The following CATSPER1 variants were observed in gnomAD, a reference collection of about 807,000 sequenced individuals.
CATSPER1 encodes cation channel sperm-associated protein 1.
In CATSPER1, 57 loss-of-function variants were observed where a neutral mutation model predicts 72.7. That is an observed-to-expected ratio of 0.78 (90% CI 0.63 to 0.98). The LOEUF (loss-of-function observed/expected upper bound fraction) is 0.98. Among genes scored for constraint, CATSPER1 ranks in the 50% least tolerant of loss-of-function variants. CATSPER1 has a pLI of 0.00. For synonymous variants in CATSPER1, 363 were observed against 403.0 expected (o/e 0.90, Z 1.19); for missense variants, 910 against 1,033.9 (o/e 0.88, Z 1.64).
rs369774821 is a variant in CATSPER1, at chr11:66,021,910, G to A, written c.1430-31C>T. On this transcript the variant is annotated intron_variant, in intron 2 of 11. Transcript: ENST00000312106. The stretch of plus-strand genomic sequence containing the variant: ...GGAACACAGGGGTGCACTCAGAGCT[G>A]TCCCCAGCACCCAGTGCCCTCTCTC... The A allele has an allele frequency of 6.9e-5, 106 of 1,528,140 alleles. No homozygotes were observed. The African/African-American group carries it at 1.4e-3, about 20-fold the overall frequency. 94.7% of individuals were successfully genotyped at this position (1,528,140 alleles called of 1,614,324 possible). A position where few individuals can be genotyped will look rare whatever the true frequency, so the allele number is the denominator to read the frequency against.
chr11:66,017,085 T>A lies in CATSPER1; in HGVS notation c.2291A>T (p.Asp764Val). 1 of 1,612,886 alleles carries A rather than the reference T, an allele frequency of 6.2e-7. No homozygotes were observed. The highest frequency in any genetic ancestry group is 8.5e-7 in the Non-Finnish European group (1 of 1,179,490). ...QKFRSQAAVI[D>V]EIVDTTFEAG... ...CTCAAATGTGGTGTCCACAATCTCATCGATGACGGCTGCCTGGGAGCGGAA... is the reference window on the plus strand; with the variant it reads ...CTCAAATGTGGTGTCCACAATCTCAACGATGACGGCTGCCTGGGAGCGGAA... The change falls in exon 11 of 12, where the codon GAT becomes GTT. Residue 764 changes from aspartate (D) to valine (V), a missense_variant. Asp to Val is a radical substitution (Grantham distance 152, BLOSUM62 -3). Transcript: ENST00000312106.
chr11:66,017,102 G>C lies in CATSPER1; in HGVS notation c.2274C>G (p.Ser758=), dbSNP rs200328285. The change falls in exon 11 of 12, where the codon TCC becomes TCG. Residue 758 remains serine, a synonymous_variant. Transcript: ENST00000312106. ...CAATCTCATCGATGACGGCTGCCTG[G>C]GAGCGGAACTTCTGCTGCTCCTGCT... The part of the protein sequence containing the change: ...SVEQEQQKFR[S]QAAVIDEIVD... 3.6e-4 allele frequency: 586 copies of C among 1,613,742 alleles called. 4 individuals are homozygous for C. The highest frequency in any genetic ancestry group is 2.3e-5 in the Non-Finnish European group (27 of 1,179,916).
In CATSPER1 at chr11:66,023,050, G is replaced by C; in HGVS notation, c.1228C>G (p.Gln410Glu). The change falls in exon 2 of 12, where the codon CAG (glutamine) becomes GAG (glutamate). Residue 410 changes from glutamine to glutamate, a missense_variant. Coordinates refer to ENST00000312106, the MANE Select transcript of CATSPER1 (RefSeq NM_053054.4). ...QFQKRKTGRL[Q>E]RTRKKGHSTN... ...GAGTGTCCCTTCTTGCGGGTCCGCT[G>C]GAGCCGGCCGGCTGAAAGGAACAGG... is the stretch of plus-strand genomic sequence containing the variant. 6.2e-7 allele frequency: 1 copy of C among 1,614,116 alleles called. No homozygotes were observed. Among genetic ancestry groups the C allele is most frequent in the Non-Finnish European group, 8.5e-7 (1 of 1,180,000 alleles).
In CATSPER1 at chr11:66,023,032, CCTT is replaced by C. The variant is rs773641525; in HGVS notation, c.1243_1245del (p.Lys415del). On this transcript the variant is annotated inframe_deletion, in exon 2 of 12. Coordinates refer to ENST00000312106, the MANE Select transcript of CATSPER1 (RefSeq NM_053054.4). ...CACTGGAAGAGATTGGTAGAGTGTC[CCTT>C]CTTGCGGGTCCGCTGGAGCCGGCCG... 9.9e-6 allele frequency: 16 copies of C among 1,613,986 alleles called. No homozygotes were observed. The Admixed American group carries it at 2.7e-4, about 27-fold the overall frequency.
At chr11:66,022,185 C>A (rs1856388997) in intron 2 of CATSPER1, among the ~76,000 whole-genome samples, 1 of 152,012 alleles carries the variant, frequency 6.6e-6, no homozygotes, top group African/African-American at 2.4e-5. Context: ...ACCAAAAATA[C>A]AAAAATTAGC....
intron 9 of CATSPER1, among the ~76,000 whole-genome samples, chr11:66,019,435 C>T (rs1052944052): frequency 1.3e-5 from 2 of 152,040 alleles, no homozygotes; most frequent in Admixed American, 6.5e-5. Context: ...CACCACCATG[C>T]CCAGCTAATT....
chr11:66,017,167 C>G lies in CATSPER1; in HGVS notation c.2209G>C (p.Glu737Gln). The G allele has an allele frequency of 9.9e-7, 1 of 1,012,956 alleles. No homozygotes were observed. Among genetic ancestry groups the G allele is most frequent in the Non-Finnish European group, 1.4e-6 (1 of 703,102 alleles). 62.7% of individuals were successfully genotyped at this position (1,012,956 alleles called of 1,614,324 possible). Residue 737 changes from glutamate (E) to glutamine (Q), a missense_variant, in exon 11 of 12, where the codon GAG (glutamate) becomes CAG (glutamine). Glu to Gln is a conservative substitution (Grantham distance 29, BLOSUM62 2). Coordinates refer to ENST00000312106, the MANE Select transcript of CATSPER1 (RefSeq NM_053054.4). The stretch of plus-strand genomic sequence containing the variant: ...AGCTGCAGGTAATGGAACAGGAGCT[C>G]CTGCTGCCTGCGGGTGGGCGGGGGG... ...KFGTMTEKQQELLFHYLQLVA... is the reference protein window; with the variant it reads ...KFGTMTEKQQQLLFHYLQLVA...
In CATSPER1 at chr11:66,017,194, T is replaced by TGGGGGGGGGGGGGGGGGGGGGGCCA; in HGVS notation, c.2202-21_2202-20insTGGCCCCCCCCCCCCCCCCCCCCCC. 2 of 550,268 alleles carry TGGGGGGGGGGGGGGGGGGGGGGCCA rather than the reference T, an allele frequency of 3.6e-6. No individual in the cohort carries two copies. The highest frequency in any genetic ancestry group is 3.4e-6 in the Non-Finnish European group (1 of 295,844). The allele number at this position is 550,268 out of a possible 1,614,324, so 34.1% of individuals were successfully genotyped here. On this transcript the variant is annotated intron_variant, in intron 10 of 11. Coordinates refer to ENST00000312106, the MANE Select transcript of CATSPER1 (RefSeq NM_053054.4). ...TGCTGCCTGCGGGTGGGCGGGGGGGTCGCAGAGACAGGGGCTGGGCTGACC... is the reference window on the plus strand; with the variant it reads ...TGCTGCCTGCGGGTGGGCGGGGGGGTGGGGGGGGGGGGGGGGGGGGGGCCACGCAGAGACAGGGGCTGGGCTGACC...
chr11:66,023,170 C>A, intron 1 of CATSPER1, 109 bp from the exon 2 acceptor site: 1 of 1,056,154 alleles, frequency 9.5e-7, no homozygotes, highest in Non-Finnish European at 1.4e-6. Context: ...TGCTTGCTGG[C>A]CCTCTGCCTC....
chr11:66,025,556 C>T lies in CATSPER1; in HGVS notation c.824G>A (p.Ser275Asn), dbSNP rs771342326. 5 of 1,602,486 alleles carry T rather than the reference C, an allele frequency of 3.1e-6. No homozygotes were observed. Among genetic ancestry groups the T allele is most frequent in the Middle Eastern group, 1.7e-4 (1 of 6,050 alleles). Residue 275 changes from serine (S) to asparagine (N), a missense_variant, in exon 1 of 12, where the codon AGT (serine) becomes AAT (asparagine). Coordinates refer to ENST00000312106, the MANE Select transcript of CATSPER1 (RefSeq NM_053054.4). ...SEYHQGDHHP[S>N]EYHHGDHPHH... is the part of the protein sequence containing the mutation. ...GGGATGGTCGCCATGGTGGTACTCA[C>T]TGGGGTGGTGATCACCTTGGTGGTA...
intron 11 of CATSPER1, 37 bp downstream of exon 11, chr11:66,017,023 C>A: frequency 6.2e-7 from 1 of 1,612,424 alleles, no homozygotes; most frequent in Non-Finnish European, 8.5e-7. Context: ...CCCTGGGGTT[C>A]CCCTCGCCGG....
rs777825038 is a variant in CATSPER1 at position 66,020,101 on chromosome 11, C to T, written c.2125+39G>A. On this transcript the variant is annotated intron_variant, in intron 9 of 11. Coordinates refer to ENST00000312106, the MANE Select transcript of CATSPER1 (RefSeq NM_053054.4). This position sits in a 1 kb window ranked among gnomAD's most constrained non-coding sequence, Gnocchi z 4.5. ...GGGATGGAGAGACTGGCCCCCACTG[C>T]GGACGGGCAGGTGGGGCCAGGGCGG... The T allele has an allele frequency of 9.4e-6, 15 of 1,604,190 alleles. No homozygotes were observed. Among genetic ancestry groups the T allele is most frequent in the Middle Eastern group, 1.7e-4 (1 of 5,890 alleles).
At chr11:66,021,960 C>A in intron 2 of CATSPER1, 81 bp from the exon 3 acceptor site, 1 of 1,049,198 alleles carries the variant, frequency 9.5e-7, no homozygotes, top group Non-Finnish European at 1.5e-6. Context: ...CTCACACAAG[C>A]CCAGATTCCC....
rs1318739460 is a variant in CATSPER1, at chr11:66,026,420, T to C, written c.-41A>G. The C allele has an allele frequency of 6.2e-7, 1 of 1,607,392 alleles. No individual in the cohort carries two copies. The highest frequency in any genetic ancestry group is 8.5e-7 in the Non-Finnish European group (1 of 1,179,822). ...TCTGGAGCCAAAAGAGCTCAAGACC[T>C]GGGCCCAACAGGCCCCGCCTGGATT... On this transcript the variant is annotated 5_prime_UTR_variant, in exon 1 of 12. Coordinates refer to ENST00000312106, the MANE Select transcript of CATSPER1 (RefSeq NM_053054.4).
At chr11:66,021,714 C>A in intron 3 of CATSPER1, 52 bp downstream of exon 3, 1 of 1,613,154 alleles carries the variant, frequency 6.2e-7, no homozygotes, top group Non-Finnish European at 8.5e-7. Context: ...CTTCTCTCGT[C>A]CCGAGCCTCC....
In CATSPER1 at chr11:66,021,496, C is replaced by G. The variant is rs751966872; in HGVS notation, c.1691G>C (p.Ser564Thr). 9 of 1,612,970 alleles carry G rather than the reference C, an allele frequency of 5.6e-6. No homozygotes were observed. The East Asian group carries it at 1.3e-4, about 24-fold the overall frequency. The change falls in exon 4 of 12, where the codon AGC (serine) becomes ACC (threonine). Residue 564 changes from serine (S) to threonine (T), a missense_variant and splice_region_variant. Coordinates refer to ENST00000312106, the MANE Select transcript of CATSPER1 (RefSeq NM_053054.4). The part of the protein sequence containing the change: ...LRAIRVLRRL[S>T]FLTSVQEVTG... ...CCAGGTGGGAGCCGTGGCCACTGACCTGAGCCTCCGCAGGACCCGGATTGC... is the reference window on the plus strand; with the variant it reads ...CCAGGTGGGAGCCGTGGCCACTGACGTGAGCCTCCGCAGGACCCGGATTGC...
chr11:66,021,642 G>A lies in CATSPER1; in HGVS notation c.1545C>T (p.Asp515=), dbSNP rs766461275. 4.4e-6 allele frequency: 7 copies of A among 1,607,142 alleles called. No individual in the cohort carries two copies. The African/African-American group carries it at 5.3e-5, about 12-fold the overall frequency. Reference sequence around the variant, plus strand: ...GCACGGCCATGGCCATAATGAAGAAGTCTGAGGGCACGGGGTGCCTGAGCC... The same window carrying A: ...GCACGGCCATGGCCATAATGAAGAAATCTGAGGGCACGGGGTGCCTGAGCC... ...SYFFDFWNNL[D]FFIMAMAVLD... is the part of the protein sequence containing the mutation. Residue 515 remains aspartate (D), a splice_region_variant and synonymous_variant, in exon 4 of 12, where the codon GAC becomes GAT. Transcript: ENST00000312106.
intron 9 of CATSPER1, among the ~76,000 whole-genome samples, chr11:66,019,427 C>A (rs982603172): frequency 3.7e-4 from 56 of 152,192 alleles, no homozygotes; most frequent in African/African-American, 1.3e-3. Context: ...CTGGTGCCCA[C>A]CACCATGCCC....
In CATSPER1 at chr11:66,025,967, T is replaced by G. The variant is rs1856495326; in HGVS notation, c.413A>C (p.Gln138Pro). The G allele has an allele frequency of 6.2e-7, 1 of 1,613,562 alleles. No individual in the cohort carries two copies. The highest frequency in any genetic ancestry group is 8.5e-7 in the Non-Finnish European group (1 of 1,179,902). The change falls in exon 1 of 12, where the codon CAG (glutamine) becomes CCG (proline). Residue 138 changes from glutamine to proline, a missense_variant. Gln to Pro is a moderately conservative substitution (Grantham distance 76). Coordinates refer to ENST00000312106, the MANE Select transcript of CATSPER1 (RefSeq NM_053054.4). ...DGSQYGGFHQ[Q>P]SDSHYHRGSH... ...CCCCCTATGGTAATGGGAGTCACTCTGCTGATGGAACCCACCGTATTGGGA... is the reference window on the plus strand; with the variant it reads ...CCCCCTATGGTAATGGGAGTCACTCGGCTGATGGAACCCACCGTATTGGGA...
Sources: gnomAD v4.1 joint callset for allele counts (sites outside exome capture counted in the v4.1 genomes callset) on GRCh38, gnomAD v4.1.1 for gene constraint, Gnocchi (gnomAD v3.1) non-coding constraint, MANE v1.5 for transcripts, NCBI Gene and HGNC (gene_info 2026-07-23, HGNC 2026-07-21) for gene names.